SLC16A2: variants seen among roughly 807,000 people sequenced by gnomAD.
SLC16A2 encodes the protein monocarboxylate transporter 8.
Under a neutral mutation model 27.2 loss-of-function variants are expected in SLC16A2, and 3 were observed. The observed-to-expected ratio is 0.11, with a 90% CI of 0.05 to 0.28. The LOEUF is 0.28. Among genes scored for constraint, SLC16A2 ranks in the 10% least tolerant of loss-of-function variants. The pLI, the probability that SLC16A2 is intolerant of heterozygous loss-of-function variation, is 1.00. For synonymous variants in SLC16A2, 202 were observed against 187.8 expected (o/e 1.08, Z -0.62); for missense variants, 295 against 458.5 (o/e 0.64, Z 3.26).
chrX:74,524,838 A>C, intron 3 of SLC16A2, 29 bp downstream of exon 3: 2 of 1,156,337 alleles, frequency 1.7e-6, no homozygotes, highest in Non-Finnish European at 2.3e-6. Flanking sequence ...GGCCCACCCC[A>C]CCTGGCCCCA....
At chrX:74,433,200 C>T (rs763658167) in intron 1 of SLC16A2, among the ~76,000 whole-genome samples, 6 of 110,376 alleles carry the variant, frequency 5.4e-5, no homozygotes, top group African/African-American at 9.9e-5. Flanking sequence ...GGTGAAATCC[C>T]GTCTCTACCA....
At chrX:74,484,754 T>C (rs1929684995) in intron 1 of SLC16A2, among the ~76,000 whole-genome samples, 1 of 111,929 alleles carries the variant, frequency 8.9e-6, no homozygotes, top group African/African-American at 3.2e-5. Flanking sequence ...AAATCTTTAT[T>C]TTGTCCCATA....
rs1930531566 is a variant in SLC16A2 at position 74,529,288 on chromosome X, G to A, written c.1246G>A (p.Val416Ile). 5 of 1,210,233 alleles carry A rather than the reference G, an allele frequency of 4.1e-6. No homozygotes were observed. The South Asian group carries it at 5.3e-5, about 13-fold the overall frequency. The change falls in exon 5 of 6, where the codon GTC becomes ATC. Residue 416 changes from valine (V) to isoleucine (I), a missense_variant. Val to Ile is a conservative substitution (Grantham distance 29). This residue lies in a region of SLC16A2 where 144 missense variants were observed against 219.8 expected (regional missense o/e 0.66). Coordinates refer to ENST00000587091, the MANE Select transcript of SLC16A2 (RefSeq NM_006517.5). ...LCRDFGGLIV[V>I]CLFLGLCDGF... is the part of the protein sequence containing the mutation. ...CCGGGACTTCGGGGGCCTTATCGTC[G>A]TCTGTCTTTTCCTGGGCCTTTGCGA...
chrX:74,481,032 T>G (rs1336871670), intron 1 of SLC16A2, among the ~76,000 whole-genome samples: 1 of 112,700 alleles, frequency 8.9e-6, no homozygotes, highest in African/African-American at 3.2e-5. Context: ...CGTATTACAT[T>G]GGTTGATTAT....
intron 1 of SLC16A2, among the ~76,000 whole-genome samples, chrX:74,508,530 T>C (rs1473054960): frequency 8.9e-6 from 1 of 112,535 alleles, no homozygotes; most frequent in African/African-American, 3.2e-5. Context: ...TTTTTGTATA[T>C]TGACTTTGTA....
At chrX:74,432,598 G>A (rs1193413421) in intron 1 of SLC16A2, among the ~76,000 whole-genome samples, 3 of 111,671 alleles carry the variant, frequency 2.7e-5, no homozygotes, top group Non-Finnish European at 5.6e-5. Context: ...TAATTTAAAT[G>A]CCTTCTGATC....
At chrX:74,514,705 C>T (rs1930289149) in intron 1 of SLC16A2, among the ~76,000 whole-genome samples, 1 of 111,776 alleles carries the variant, frequency 8.9e-6, no homozygotes, top group South Asian at 3.7e-4. Context: ...CCATCACTTA[C>T]TGAGGTAAGA....
intron 1 of SLC16A2, among the ~76,000 whole-genome samples, chrX:74,491,919 G>C (rs927139666): frequency 8.9e-6 from 1 of 112,318 alleles, no homozygotes; most frequent in Non-Finnish European, 1.9e-5. Context: ...TCTCTGTTAA[G>C]TCTGTAAACA....
At chrX:74,493,775 G>GA (rs1350806550) in intron 1 of SLC16A2, among the ~76,000 whole-genome samples, 4 of 111,617 alleles carry the variant, frequency 3.6e-5, no homozygotes, top group Non-Finnish European at 7.5e-5. Context: ...AGGAGGTGCA[G>GA]GTGCGTGCAT....
chrX:74,529,991 G>A (rs1930541801), intron 5 of SLC16A2, among the ~76,000 whole-genome samples: 1 of 108,994 alleles, frequency 9.2e-6, no homozygotes, highest in African/African-American at 3.3e-5. Context: ...AGCACTCCTG[G>A]TTTTCTCCCT....
chrX:74,465,337 A>C (rs1165585256), intron 1 of SLC16A2, among the ~76,000 whole-genome samples: 1 of 111,290 alleles, frequency 9.0e-6, no homozygotes, highest in Non-Finnish European at 1.9e-5. Flanking sequence ...AACCAAGCAC[A>C]AAAACTTTGT....
chrX:74,432,892 G>T (rs1928557368), intron 1 of SLC16A2, among the ~76,000 whole-genome samples: 1 of 111,482 alleles, frequency 9.0e-6, no homozygotes, highest in Non-Finnish European at 1.9e-5. Context: ...AAATTCAAAA[G>T]GTATGATGGT....
intron 1 of SLC16A2, chrX:74,473,877 G>A: frequency 2.1e-6 from 1 of 481,933 alleles, no homozygotes; most frequent in African/African-American, 2.3e-5. Flanking sequence ...CCATTTTCAG[G>A]TTGTTTCAAA....
intron 1 of SLC16A2, among the ~76,000 whole-genome samples, chrX:74,440,173 G>A (rs1431807901): frequency 5.4e-5 from 6 of 111,293 alleles, no homozygotes; most frequent in East Asian, 5.6e-4. Flanking sequence ...TTTTAGAGAG[G>A]GAGTAGGGTT....
intron 1 of SLC16A2, among the ~76,000 whole-genome samples, chrX:74,445,336 T>C (rs28545342): frequency 2.7e-5 from 3 of 110,734 alleles, no homozygotes; most frequent in East Asian, 5.8e-4. Flanking sequence ...AATTAAGCAA[T>C]GGATCAAAAA....
chrX:74,509,435 T>C (rs1297047362), intron 1 of SLC16A2, among the ~76,000 whole-genome samples: 3 of 112,467 alleles, frequency 2.7e-5, no homozygotes, highest in East Asian at 5.5e-4. Flanking sequence ...ATGCTTTTTC[T>C]GCATTGGTTG....
intron 1 of SLC16A2, among the ~76,000 whole-genome samples, chrX:74,515,962 T>A (rs113096712): frequency 0.026 from 2,875 of 112,282 alleles, 72 homozygotes; most frequent in African/African-American, 0.083. Context: ...TCTTGGAACA[T>A]CAGAAAGAAA....
At chrX:74,453,015 G>C (rs1928970386) in intron 1 of SLC16A2, among the ~76,000 whole-genome samples, 1 of 107,601 alleles carries the variant, frequency 9.3e-6, no homozygotes, top group African/African-American at 3.4e-5. Context: ...CTAAGCCCTA[G>C]CTCCCTTACT....
intron 1 of SLC16A2, among the ~76,000 whole-genome samples, chrX:74,478,007 TTGGTGCAGAGC>T (rs1160807115): frequency 8.9e-6 from 1 of 112,159 alleles, no homozygotes; most frequent in East Asian, 2.8e-4. Flanking sequence ...TTAGGTCTGC[TTGGTGCAGAGC>T]TGAGATCAGT....
Sources: allele counts gnomAD v4.1 joint callset (sites outside exome capture counted in the v4.1 genomes callset), GRCh38; gene constraint gnomAD v4.1.1; regional missense constraint gnomAD v4.1.1; transcripts MANE v1.5; gene names NCBI Gene and HGNC (gene_info 2026-07-23, HGNC 2026-07-21).